TMEM178B: variants seen among roughly 807,000 people sequenced by gnomAD.
TMEM178B encodes the protein transmembrane protein 178B.
Under a neutral mutation model 31.0 loss-of-function variants are expected in TMEM178B, and 5 were observed. The ratio of observed to expected loss-of-function variants is 0.16; its 90% CI spans 0.08 to 0.34. TMEM178B has a LOEUF of 0.34. Among genes scored for constraint, TMEM178B ranks in the 10% least tolerant of loss-of-function variants. The probability of loss-of-function intolerance (pLI) is 1.00; values close to 1 mark genes in which losing one functional copy is unlikely to be tolerated. For synonymous variants in TMEM178B, 164 were observed against 164.0 expected (o/e 1.00, Z 0.00); for missense variants, 275 against 400.3 (o/e 0.69, Z 2.67).
intron 2 of TMEM178B, among the ~76,000 whole-genome samples, chr7:141,357,912 C>T (rs2116541493): frequency 6.6e-6 from 1 of 152,288 alleles, no homozygotes; most frequent in Non-Finnish European, 1.5e-5. Context: ...TGTCCAGGTG[C>T]AAAACAGGTG....
chr7:141,165,904 G>A (rs1398220193), intron 1 of TMEM178B, among the ~76,000 whole-genome samples: 1 of 152,224 alleles, frequency 6.6e-6, no homozygotes, highest in Non-Finnish European at 1.5e-5. Context: ...ACAGAAAGGT[G>A]CTTAGCATTG....
At chr7:141,369,323 G>A (rs1273256299) in intron 2 of TMEM178B, among the ~76,000 whole-genome samples, 7 of 128,670 alleles carry the variant, frequency 5.4e-5, no homozygotes, top group Non-Finnish European at 1.2e-4. Flanking sequence ...CGACGTGTGT[G>A]TGTGTGTGTG....
intron 1 of TMEM178B, among the ~76,000 whole-genome samples, chr7:141,126,881 G>GTGTGTGTGTGTA (rs1457647166): frequency 6.6e-6 from 1 of 151,912 alleles, no homozygotes; most frequent in Non-Finnish European, 1.5e-5. Flanking sequence ...GTGTGTGTGT[G>GTGTGTGTGTGTA]TGTGTGTGTG....
intron 2 of TMEM178B, among the ~76,000 whole-genome samples, chr7:141,236,243 C>T (rs1403773773): frequency 6.6e-6 from 1 of 152,186 alleles, no homozygotes; most frequent in Non-Finnish European, 1.5e-5. Flanking sequence ...TCCCCAATAT[C>T]ACTGACTAAG....
chr7:141,256,231 C>T (rs1299191487), intron 2 of TMEM178B, among the ~76,000 whole-genome samples: 1 of 152,104 alleles, frequency 6.6e-6, no homozygotes, highest in Non-Finnish European at 1.5e-5. Context: ...AATAGAAGAC[C>T]ATAAACAAGT....
chr7:141,490,934 G>C, the TMEM178B span, among the ~76,000 whole-genome samples: 7 of 152,356 alleles, frequency 4.6e-5, no homozygotes, highest in East Asian at 1.3e-3. Flanking sequence ...GAGGTTAGGT[G>C]ACATTTCTGA....
intron 2 of TMEM178B, among the ~76,000 whole-genome samples, chr7:141,288,095 G>A (rs559736887): frequency 2.6e-5 from 4 of 152,090 alleles, no homozygotes; most frequent in South Asian, 2.1e-4. Context: ...GTGCCCGTGC[G>A]GTTGGGGACC....
At chr7:141,449,304 G>A (rs1295314738) in intron 3 of TMEM178B, among the ~76,000 whole-genome samples, 4 of 152,244 alleles carry the variant, frequency 2.6e-5, no homozygotes, top group Middle Eastern at 3.4e-3. Flanking sequence ...AGAGGGACAA[G>A]CAGGTCAAAG....
the TMEM178B span, among the ~76,000 whole-genome samples, chr7:141,497,877 A>T: frequency 6.6e-6 from 1 of 152,232 alleles, no homozygotes; most frequent in African/African-American, 2.4e-5. Flanking sequence ...GAGCAACTAC[A>T]ACTCATGGAC....
At chr7:141,121,605 C>A (rs954908460) in intron 1 of TMEM178B, among the ~76,000 whole-genome samples, 1 of 152,004 alleles carries the variant, frequency 6.6e-6, no homozygotes, top group African/African-American at 2.4e-5. Context: ...TTTTTGAGTC[C>A]TGTTTGCCTG....
At chr7:141,285,449 C>T (rs766485820) in intron 2 of TMEM178B, among the ~76,000 whole-genome samples, 18 of 151,916 alleles carry the variant, frequency 1.2e-4, no homozygotes, top group Admixed American at 2.0e-4. Context: ...TGAGCCACTG[C>T]GCCTGGCCAA....
chr7:141,084,278 A>G (rs776561184), intron 1 of TMEM178B, among the ~76,000 whole-genome samples: 1 of 152,254 alleles, frequency 6.6e-6, no homozygotes, highest in Non-Finnish European at 1.5e-5. Flanking sequence ...GAGTACCAAT[A>G]TATAAAACAA....
rs2129170085 is a variant in TMEM178B, at chr7:141,074,745, C to G, written c.382+53C>G. 2 of 1,437,450 alleles carry G rather than the reference C, an allele frequency of 1.4e-6. No homozygotes were observed. Among genetic ancestry groups the G allele is most frequent in the African/African-American group, 2.9e-5 (2 of 69,800 alleles). 89.0% of individuals were successfully genotyped at this position (1,437,450 alleles called of 1,614,324 possible). The stretch of plus-strand genomic sequence containing the variant: ...TGCGGAGAGCCCGGCGCCTTTAGGC[C>G]CCGCAGCCCCTCGCGTCTCCTTCCC... On this transcript the variant is annotated intron_variant, in intron 1 of 3. Coordinates refer to ENST00000565468, the MANE Select transcript of TMEM178B (RefSeq NM_001195278.2). This position sits in a 1 kb window ranked among gnomAD's most constrained non-coding sequence, Gnocchi z 5.1.
chr7:141,343,944 G>A (rs762189562), intron 2 of TMEM178B, among the ~76,000 whole-genome samples: 4 of 152,166 alleles, frequency 2.6e-5, no homozygotes, highest in Non-Finnish European at 5.9e-5. Context: ...CAACCCAGAG[G>A]ATCCCTGATC....
chr7:141,320,049 C>T (rs1354890902), intron 2 of TMEM178B, among the ~76,000 whole-genome samples: 2 of 151,822 alleles, frequency 1.3e-5, no homozygotes, highest in Non-Finnish European at 2.9e-5. Flanking sequence ...GGTGGTTTCC[C>T]CCATGCTGTT....
chr7:141,318,197 A>T lies in TMEM178B; in HGVS notation c.496+105493A>T. Among the ~76,000 whole-genome samples, 1 of 152,210 alleles carries T rather than the reference A, an allele frequency of 6.6e-6. No individual in the cohort carries two copies. The highest frequency in any genetic ancestry group is 1.5e-5 in the Non-Finnish European group (1 of 68,046). On this transcript the variant is annotated intron_variant, in intron 2 of 3. Transcript: ENST00000565468. The surrounding 1 kb of genome is among the most constrained non-coding windows in gnomAD (Gnocchi z 4.1). ...CATCCATTTGTCCATTCAGTAACAG[A>T]TCATTGAGCCTACAACATGGCGTTC...
chr7:141,435,209 CCT>C (rs1313447345), intron 2 of TMEM178B, among the ~76,000 whole-genome samples: 1 of 152,144 alleles, frequency 6.6e-6, no homozygotes, highest in Admixed American at 6.5e-5. Flanking sequence ...AAACTAGGCC[CCT>C]GTCTCTCACC....
In TMEM178B at chr7:141,423,497, A is replaced by G. The variant is rs141554153; in HGVS notation, c.497-14111A>G. On this transcript the variant is annotated intron_variant, in intron 2 of 3. Transcript: ENST00000565468. ...ATCAATTCAAGTGCTCTACACCCAC[A>G]TGAGCTGGTGGCTACCATATTAGAC... Among the ~76,000 whole-genome samples the G allele has an allele frequency of 7.2e-3, 1,096 of 152,332 alleles. 21 individuals carry two copies. The highest frequency in any genetic ancestry group is 0.017 in the Admixed American group (256 of 15,298).
chr7:141,495,467 C>CAA, the TMEM178B span, among the ~76,000 whole-genome samples: 8 of 152,174 alleles, frequency 5.3e-5, no homozygotes, highest in African/African-American at 1.9e-4. Context: ...AGTGCCTTAT[C>CAA]AAAGAGAAGC....
Sources: gnomAD v4.1 joint callset for allele counts (sites outside exome capture counted in the v4.1 genomes callset) on GRCh38, gnomAD v4.1.1 for gene constraint, Gnocchi (gnomAD v3.1) non-coding constraint, MANE v1.5 for transcripts, NCBI Gene and HGNC (gene_info 2026-07-23, HGNC 2026-07-21) for gene names.